Variants in AKT2 observed in about 807,000 individuals in gnomAD.
AKT2 encodes AKT serine/threonine kinase 2.
AKT2 carries 16 observed loss-of-function variants against 58.6 expected under a neutral mutation model. That is an observed-to-expected ratio of 0.27 (90% CI 0.18 to 0.41). The LOEUF is 0.41. AKT2 is among the 10% of genes least tolerant of loss of function. AKT2 has a pLI of 1.00. For missense variants in AKT2, 438 were observed against 661.0 expected (o/e 0.66, Z 3.70); for synonymous variants, 253 against 254.0 (o/e 1.00, Z 0.04).
chr19:40,263,927 C>G (rs1345570075), intron 2 of AKT2, among the ~76,000 whole-genome samples: 1 of 152,228 alleles, frequency 6.6e-6, no homozygotes, highest in African/African-American at 2.4e-5. Context: ...CTCAGCGAAG[C>G]CCCCTCTGGC....
intron 1 of AKT2, 152 bp from the exon 2 acceptor site, chr19:40,265,503 C>A: frequency 9.6e-7 from 1 of 1,043,374 alleles, no homozygotes; most frequent in Admixed American, 2.6e-5. Flanking sequence ...CTCTCAAGGA[C>A]CCATTCTGAG....
At chr19:40,274,931 C>CCAGGG (rs2077283817) in intron 1 of AKT2, 1 of 388,690 alleles carries the variant, frequency 2.6e-6, no homozygotes, top group African/African-American at 2.1e-5. Flanking sequence ...CCCCTTGCAC[C>CCAGGG]CAGGGCAGGG....
In AKT2 at chr19:40,238,837, C is replaced by A; in HGVS notation, c.708+68G>T. On this transcript the variant is annotated intron_variant, in intron 8 of 13. Coordinates refer to ENST00000392038, the MANE Select transcript of AKT2 (RefSeq NM_001626.6). This position sits in a 1 kb window ranked among gnomAD's most constrained non-coding sequence, Gnocchi z 5.1. ...CCACCCTTCCATCTCACCCACAGCT[C>A]CTCTCCATCCCGCCCCACCCTAAAG... 6.6e-7 allele frequency: 1 copy of A among 1,520,178 alleles called. No individual in the cohort carries two copies. Among genetic ancestry groups the A allele is most frequent in the South Asian group, 1.1e-5 (1 of 89,262 alleles). 94.2% of individuals were successfully genotyped at this position (1,520,178 alleles called of 1,614,324 possible).
Position 40,235,374 on chromosome 19 carries a change from C to T in AKT2, c.1176-24G>A. The T allele has an allele frequency of 6.2e-7, 1 of 1,612,672 alleles. No homozygotes were observed. The highest frequency in any genetic ancestry group is 8.5e-7 in the Non-Finnish European group (1 of 1,179,484). On this transcript the variant is annotated intron_variant, in intron 11 of 13. Coordinates refer to ENST00000392038, the MANE Select transcript of AKT2 (RefSeq NM_001626.6). This position sits in a 1 kb window ranked among gnomAD's most constrained non-coding sequence, Gnocchi z 6.3. ...GCCTGTGCAGAGACGGCCGTCAGCA[C>T]CTGCCTCCCGGAGCAGCTGGGTTCG...
At chr19:40,272,210 C>G (rs2077228187) in intron 1 of AKT2, among the ~76,000 whole-genome samples, 4 of 152,330 alleles carry the variant, frequency 2.6e-5, no homozygotes, top group South Asian at 4.1e-4. Flanking sequence ...CGGCCTGGCT[C>G]CCCCACAACA....
intron 6 of AKT2, 132 bp downstream of exon 6, chr19:40,241,806 T>A: frequency 7.2e-7 from 1 of 1,387,372 alleles, no homozygotes; most frequent in South Asian, 1.2e-5. Context: ...CCCCCTTTTC[T>A]GACTAGGGGG....
At chr19:40,270,891 T>C (rs1357875707) in intron 1 of AKT2, 4 of 152,038 alleles carry the variant, frequency 2.6e-5, no homozygotes, top group Admixed American at 6.6e-5. Context: ...TGCACACCTG[T>C]AGTCCCAGCT....
intron 6 of AKT2, 86 bp downstream of exon 6, chr19:40,241,852 G>C: frequency 1.3e-6 from 2 of 1,584,680 alleles, no homozygotes; most frequent in South Asian, 2.2e-5. Context: ...GCAGCAGAAA[G>C]CGCGGGTAAG....
intron 1 of AKT2, chr19:40,274,966 T>C (rs868353000): frequency 7.2e-6 from 3 of 418,650 alleles, no homozygotes; most frequent in Non-Finnish European, 1.5e-5. Context: ...GAGGCAGCCC[T>C]TCCTCTCCAG....
Position 40,235,770 on chromosome 19 carries a change from G to T in AKT2, c.1175+120C>A. 9.4e-7 allele frequency: 1 copy of T among 1,066,852 alleles called. No individual in the cohort carries two copies. The highest frequency in any genetic ancestry group is 1.3e-6 in the Non-Finnish European group (1 of 752,934). The allele number at this position is 1,066,852 out of a possible 1,614,324, so 66.1% of individuals were successfully genotyped here. Reference sequence around the variant, plus strand: ...CACTGTGGACGTTTTCAGGGGCTGTGTGGGGACGACACACTGCGACCCTAC... The same window carrying T: ...CACTGTGGACGTTTTCAGGGGCTGTTTGGGGACGACACACTGCGACCCTAC... On this transcript the variant is annotated intron_variant, in intron 11 of 13. Transcript: ENST00000392038. This position sits in a 1 kb window ranked among gnomAD's most constrained non-coding sequence, Gnocchi z 6.3.
chr19:40,266,611 A>G (rs1333779393), intron 1 of AKT2, among the ~76,000 whole-genome samples: 1 of 151,956 alleles, frequency 6.6e-6, no homozygotes, highest in Non-Finnish European at 1.5e-5. Flanking sequence ...GCACCCCACA[A>G]CCCAAGCACA....
At chr19:40,256,849 C>T (rs1043494832) in intron 3 of AKT2, 77 bp downstream of exon 3, 2 of 1,604,228 alleles carry the variant, frequency 1.2e-6, no homozygotes, top group Non-Finnish European at 1.7e-6. Flanking sequence ...GCTCAATGAC[C>T]AAGTCCCACA....
intron 4 of AKT2, among the ~76,000 whole-genome samples, chr19:40,251,397 A>G (rs1249799119): frequency 2.6e-5 from 4 of 152,188 alleles, no homozygotes; most frequent in Non-Finnish European, 5.9e-5. Context: ...CAAAAATGGA[A>G]GGCAGGGCCA....
At chr19:40,253,234 C>A (rs1428558357) in intron 4 of AKT2, among the ~76,000 whole-genome samples, 1 of 152,144 alleles carries the variant, frequency 6.6e-6, no homozygotes, top group African/African-American at 2.4e-5. Flanking sequence ...AGGGCATTTC[C>A]ACAATGGCCG....
At chr19:40,236,180 G>A in intron 10 of AKT2, 76 bp from the exon 11 acceptor site, 1 of 1,613,338 alleles carries the variant, frequency 6.2e-7, no homozygotes, top group Admixed American at 1.7e-5. Context: ...CAGGGCATCT[G>A]GGCTGGAAAC....
Position 40,235,407 on chromosome 19 carries a change from G to C in AKT2, c.1176-57C>G, listed in dbSNP as rs1278146840. The C allele has an allele frequency of 1.3e-6, 2 of 1,547,098 alleles. No individual in the cohort carries two copies. Among genetic ancestry groups the C allele is most frequent in the Non-Finnish European group, 1.8e-6 (2 of 1,122,716 alleles). On this transcript the variant is annotated intron_variant, in intron 11 of 13. Coordinates refer to ENST00000392038, the MANE Select transcript of AKT2 (RefSeq NM_001626.6). The surrounding 1 kb of genome is among the most constrained non-coding windows in gnomAD (Gnocchi z 6.3). ...CCGGAGCAGCTGGGTTCGGGCAGACGGGCTTTCGGAGCAGGCAGGCCCTGT... is the reference window on the plus strand; with the variant it reads ...CCGGAGCAGCTGGGTTCGGGCAGACCGGCTTTCGGAGCAGGCAGGCCCTGT...
In AKT2 at chr19:40,242,332, G is replaced by T. The variant is rs1974463717; in HGVS notation, c.441+202C>A. On this transcript the variant is annotated intron_variant, in intron 5 of 13. Coordinates refer to ENST00000392038, the MANE Select transcript of AKT2 (RefSeq NM_001626.6). This position sits in a 1 kb window ranked among gnomAD's most constrained non-coding sequence, Gnocchi z 4.3. The stretch of plus-strand genomic sequence containing the variant: ...AACTCCCAGGACGAACCTGCAGTGG[G>T]TCCACCCAAGGTTGCTCCCTCCCCT... The T allele has an allele frequency of 2.2e-6, 2 of 923,404 alleles. No homozygotes were observed. The highest frequency in any genetic ancestry group is 3.4e-6 in the Non-Finnish European group (2 of 596,890). The allele number at this position is 923,404 out of a possible 1,614,324, so 57.2% of individuals were successfully genotyped here.
At chr19:40,268,101 C>A (rs868600813) in intron 1 of AKT2, among the ~76,000 whole-genome samples, 1 of 152,132 alleles carries the variant, frequency 6.6e-6, no homozygotes, top group Non-Finnish European at 1.5e-5. Context: ...AGAAGCCCGT[C>A]CCCTACACGG....
At chr19:40,250,118 G>A (rs1975042942) in intron 4 of AKT2, among the ~76,000 whole-genome samples, 1 of 152,228 alleles carries the variant, frequency 6.6e-6, no homozygotes, top group African/African-American at 2.4e-5. Flanking sequence ...GGATCATACA[G>A]GACTCTGCAG....
Sources: allele counts gnomAD v4.1 joint callset (sites outside exome capture counted in the v4.1 genomes callset), GRCh38; gene constraint gnomAD v4.1.1; non-coding constraint Gnocchi (gnomAD v3.1); transcripts MANE v1.5; gene names NCBI Gene and HGNC (gene_info 2026-07-23, HGNC 2026-07-21).